The following CAMTA1 variants were observed in gnomAD, a reference collection of about 807,000 sequenced individuals.
CAMTA1 encodes the protein calmodulin-binding transcription activator 1.
A neutral mutation model predicts 170.9 loss-of-function variants in CAMTA1; 27 were observed. The ratio of observed to expected loss-of-function variants is 0.16; its 90% CI spans 0.12 to 0.22. The LOEUF (loss-of-function observed/expected upper bound fraction) is 0.22. Ranked by LOEUF, CAMTA1 falls within the 10% of genes least tolerant of loss-of-function variation. The probability of loss-of-function intolerance (pLI) is 1.00; values close to 1 mark genes in which losing one functional copy is unlikely to be tolerated. For synonymous variants in CAMTA1, 833 were observed against 891.5 expected (o/e 0.93, Z 1.17); for missense variants, 1,619 against 2,217.2 (o/e 0.73, Z 5.42).
chr1:7,402,159 G>A (rs1419838918), intron 5 of CAMTA1, among the ~76,000 whole-genome samples: 1 of 152,146 alleles, frequency 6.6e-6, no homozygotes, highest in Non-Finnish European at 1.5e-5. Context: ...TCCTAATCCA[G>A]GTGTTATTGT....
At chr1:6,983,203 C>G (rs763576685) in intron 3 of CAMTA1, among the ~76,000 whole-genome samples, 1 of 152,150 alleles carries the variant, frequency 6.6e-6, no homozygotes, top group Non-Finnish European at 1.5e-5. Flanking sequence ...GTGCGGGGAA[C>G]CTTACATTCC....
At chr1:7,656,893 G>A (rs2095908472) in intron 7 of CAMTA1, among the ~76,000 whole-genome samples, 1 of 152,248 alleles carries the variant, frequency 6.6e-6, no homozygotes, top group South Asian at 2.1e-4. Context: ...GCCATAATTA[G>A]GGTAAACATC....
chr1:7,422,751 C>A (rs763624197), intron 5 of CAMTA1, among the ~76,000 whole-genome samples: 3 of 152,160 alleles, frequency 2.0e-5, no homozygotes, highest in Non-Finnish European at 4.4e-5. Context: ...AGGCAGCTTC[C>A]CACATGGGGC....
intron 5 of CAMTA1, among the ~76,000 whole-genome samples, chr1:7,423,636 T>C (rs973321279): frequency 2.0e-5 from 3 of 152,044 alleles, no homozygotes; most frequent in African/African-American, 7.3e-5. Context: ...TGAACATGAA[T>C]TCCACAAGGG....
At chr1:7,464,528 G>A (rs1440496268) in intron 5 of CAMTA1, among the ~76,000 whole-genome samples, 1 of 152,238 alleles carries the variant, frequency 6.6e-6, no homozygotes, top group Non-Finnish European at 1.5e-5. Flanking sequence ...AGACTGCAGA[G>A]TGAGGGCGGT....
intron 3 of CAMTA1, among the ~76,000 whole-genome samples, chr1:6,862,758 G>C (rs1267431240): frequency 1.3e-5 from 2 of 152,104 alleles, no homozygotes; most frequent in Non-Finnish European, 2.9e-5. Flanking sequence ...ATCATTTAAA[G>C]GTGGAATTTC....
At chr1:6,905,758 ATAC>A (rs1678322571) in intron 3 of CAMTA1, among the ~76,000 whole-genome samples, 1 of 152,132 alleles carries the variant, frequency 6.6e-6, no homozygotes, top group Admixed American at 6.5e-5. Context: ...ATCTGTCCTC[ATAC>A]TTAGAGCTCT....
intron 3 of CAMTA1, among the ~76,000 whole-genome samples, chr1:6,854,295 A>G (rs551565879): frequency 1.3e-5 from 2 of 152,334 alleles, no homozygotes; most frequent in African/African-American, 4.8e-5. Flanking sequence ...TGCTTGCAAT[A>G]TTCAGTACAA....
intron 6 of CAMTA1, among the ~76,000 whole-genome samples, chr1:7,480,706 C>T (rs1361593441): frequency 6.6e-6 from 1 of 152,138 alleles, no homozygotes; most frequent in Non-Finnish European, 1.5e-5. Flanking sequence ...CTTGCTCAAC[C>T]CCCCGATGCT....
At chr1:7,037,837 CAA>C (rs1156819723) in intron 3 of CAMTA1, among the ~76,000 whole-genome samples, 1 of 127,670 alleles carries the variant, frequency 7.8e-6, no homozygotes, top group African/African-American at 2.8e-5. Context: ...GACTCCATAT[CAA>C]AAAAAAAAAA....
intron 1 of CAMTA1, among the ~76,000 whole-genome samples, chr1:6,786,045 C>T (rs1569660544): frequency 6.6e-6 from 1 of 151,672 alleles, no homozygotes. Flanking sequence ...CCGGGCCGGT[C>T]CCCGTCGGGC....
intron 5 of CAMTA1, among the ~76,000 whole-genome samples, chr1:7,419,890 C>T (rs951263014): frequency 6.6e-6 from 1 of 152,118 alleles, no homozygotes; most frequent in African/African-American, 2.4e-5. Flanking sequence ...CTTCAGAGTG[C>T]TTTCTGCTTC....
At chr1:7,488,748 A>G (rs1481205033) in intron 6 of CAMTA1, among the ~76,000 whole-genome samples, 1 of 152,204 alleles carries the variant, frequency 6.6e-6, no homozygotes, top group Non-Finnish European at 1.5e-5. Flanking sequence ...ACACATATAT[A>G]CACATACATG....
At chr1:7,464,159 T>C (rs1250720787) in intron 5 of CAMTA1, among the ~76,000 whole-genome samples, 2 of 152,148 alleles carry the variant, frequency 1.3e-5, no homozygotes, top group African/African-American at 2.4e-5. Context: ...TTCCTATAAA[T>C]ACCTAGTTGC....
At chr1:6,984,848 G>C (rs1346055238) in intron 3 of CAMTA1, among the ~76,000 whole-genome samples, 1 of 152,308 alleles carries the variant, frequency 6.6e-6, no homozygotes, top group Non-Finnish European at 1.5e-5. Flanking sequence ...GACTTTCAGG[G>C]CCTCAAATCC....
chr1:7,540,381 C>T (rs2094595961), intron 6 of CAMTA1, among the ~76,000 whole-genome samples: 1 of 152,020 alleles, frequency 6.6e-6, no homozygotes, highest in Non-Finnish European at 1.5e-5. Flanking sequence ...AGGAGAGAAC[C>T]CTAACCTGGA....
At chr1:7,124,461 C>T (rs1312608161) in intron 4 of CAMTA1, among the ~76,000 whole-genome samples, 2 of 152,328 alleles carry the variant, frequency 1.3e-5, no homozygotes, top group Non-Finnish European at 1.5e-5. Flanking sequence ...TACGTCATTC[C>T]TTCTTTGCCA....
intron 1 of CAMTA1, chr1:6,807,187 A>G: frequency 2.2e-6 from 1 of 446,994 alleles, no homozygotes; most frequent in Non-Finnish European, 4.0e-6. Flanking sequence ...TGTGGGAAGA[A>G]TTAAGGAGAA....
At chr1:7,226,687 G>A (rs1053505664) in intron 4 of CAMTA1, among the ~76,000 whole-genome samples, 11 of 152,114 alleles carry the variant, frequency 7.2e-5, no homozygotes, top group Non-Finnish European at 1.5e-4. Flanking sequence ...ATCTCACCAT[G>A]CATTCCATTT....
Sources: allele counts gnomAD v4.1 joint callset (sites outside exome capture counted in the v4.1 genomes callset), GRCh38; gene constraint gnomAD v4.1.1; transcripts MANE v1.5; gene names NCBI Gene and HGNC (gene_info 2026-07-23, HGNC 2026-07-21).